MAGI2: variants seen among roughly 807,000 people sequenced by gnomAD.
MAGI2 encodes membrane associated guanylate kinase, WW and PDZ domain containing 2, also known as membrane-associated guanylate kinase, WW and PDZ domain-containing protein 2.
In MAGI2, 35 loss-of-function variants were observed where a neutral mutation model predicts 133.3. The ratio of observed to expected loss-of-function variants is 0.26; its 90% CI spans 0.20 to 0.35. MAGI2 has a LOEUF of 0.35. Ranked by LOEUF, MAGI2 falls within the 10% of genes least tolerant of loss-of-function variation. The pLI is 1.00. For synonymous variants in MAGI2, 729 were observed against 710.6 expected (o/e 1.03, Z -0.41); for missense variants, 1,636 against 1,863.4 (o/e 0.88, Z 2.25).
chr7:79,359,670 AC>A lies in MAGI2; in HGVS notation c.301+93349del, dbSNP rs1842256245. Among the ~76,000 whole-genome samples the A allele has an allele frequency of 1.2e-4, 3 of 25,652 alleles. No homozygotes were observed. The South Asian group carries it at 7.0e-3, about 60-fold the overall frequency. The allele number at this position is 25,652 out of a possible 152,430, so 16.8% of individuals were successfully genotyped here. ...CCAAAAGGAAATGCTCAAGTGGGAAACACACACACACACACACACACACACA... is the reference window on the plus strand; with the variant it reads ...CCAAAAGGAAATGCTCAAGTGGGAAAACACACACACACACACACACACACA... On this transcript the variant is annotated intron_variant, in intron 1 of 21. Coordinates refer to ENST00000354212, the MANE Select transcript of MAGI2 (RefSeq NM_012301.4).
chr7:79,438,545 A>AG (rs1848295025), intron 1 of MAGI2, among the ~76,000 whole-genome samples: 1 of 152,116 alleles, frequency 6.6e-6, no homozygotes, highest in Non-Finnish European at 1.5e-5. Context: ...GAACAGCTAA[A>AG]GCCATTTCCC....
At chr7:79,353,757 T>A (rs534996736) in intron 1 of MAGI2, 1 of 249,810 alleles carries the variant, frequency 4.0e-6, no homozygotes, top group East Asian at 1.0e-4. Flanking sequence ...TGAACCTGGA[T>A]GCTGGGACTC....
At chr7:79,377,480 T>C (rs981920853) in intron 1 of MAGI2, among the ~76,000 whole-genome samples, 2 of 151,822 alleles carry the variant, frequency 1.3e-5, no homozygotes, top group Non-Finnish European at 2.9e-5. Context: ...AAATCAATAA[T>C]GATACTTCTG....
At chr7:78,489,658 T>A (rs1793408002) in intron 6 of MAGI2, 103 bp downstream of exon 6, 1 of 831,096 alleles carries the variant, frequency 1.2e-6, no homozygotes. Context: ...TCGTTAAAAT[T>A]GTTTCAGCTA....
intron 2 of MAGI2, among the ~76,000 whole-genome samples, chr7:78,870,441 A>G (rs521851): frequency 0.88 from 132,799 of 151,650 alleles, 58,378 homozygotes; most frequent in East Asian, 0.96. Context: ...AAAAATATAC[A>G]AAAAAATGCT....
chr7:78,591,546 C>A (rs1584764244), intron 3 of MAGI2, among the ~76,000 whole-genome samples: 1 of 152,156 alleles, frequency 6.6e-6, no homozygotes, highest in South Asian at 2.1e-4. Flanking sequence ...AATGGCGGAG[C>A]CCTAACATCC....
At chr7:78,921,530 T>A (rs994891571) in intron 2 of MAGI2, among the ~76,000 whole-genome samples, 7 of 152,076 alleles carry the variant, frequency 4.6e-5, no homozygotes, top group African/African-American at 1.7e-4. Context: ...AATGCTTCAA[T>A]CAATAAAATG....
At chr7:79,365,867 C>CAAAAAAAAAAAAAAAAA (rs71095399) in intron 1 of MAGI2, among the ~76,000 whole-genome samples, 5 of 48,874 alleles carry the variant, frequency 1.0e-4, no homozygotes, top group African/African-American at 2.2e-4. Flanking sequence ...ACTCTTGTCT[C>CAAAAAAAAAAAAAAAAA]AAAAAAAAAA....
intron 2 of MAGI2, among the ~76,000 whole-genome samples, chr7:78,631,288 C>T (rs1207993678): frequency 1.3e-5 from 2 of 152,142 alleles, no homozygotes; most frequent in Admixed American, 1.3e-4. Flanking sequence ...CTCCTTTATC[C>T]CATCTCCAAA....
At chr7:79,267,352 T>A (rs1834548769) in intron 1 of MAGI2, among the ~76,000 whole-genome samples, 1 of 152,138 alleles carries the variant, frequency 6.6e-6, no homozygotes, top group South Asian at 2.1e-4. Context: ...TCTCTCAGCA[T>A]GTGTGTCTTA....
chr7:78,655,475 A>AAAC lies in MAGI2; in HGVS notation c.419-28237_419-28236insGTT, dbSNP rs376021250. Among the ~76,000 whole-genome samples the AAAC allele has an allele frequency of 2.7e-5, 4 of 148,428 alleles. No individual in the cohort carries two copies. In the South Asian group the frequency reaches 6.5e-4, roughly 24 times the overall value. ...CAACCAAAAAAAAAAAAAAAAAAAA[A>AAAC]CCACCAGAAAAAAATGCAGGTAACC... On this transcript the variant is annotated intron_variant, in intron 2 of 21. Coordinates refer to ENST00000354212, the MANE Select transcript of MAGI2 (RefSeq NM_012301.4).
At chr7:78,543,685 T>C (rs1406729269) in intron 3 of MAGI2, among the ~76,000 whole-genome samples, 1 of 152,222 alleles carries the variant, frequency 6.6e-6, no homozygotes, top group Non-Finnish European at 1.5e-5. Context: ...ATGACAATGA[T>C]GAGAACTTTT....
intron 1 of MAGI2, among the ~76,000 whole-genome samples, chr7:79,278,973 G>T (rs1835432725): frequency 6.6e-6 from 1 of 152,130 alleles, no homozygotes; most frequent in Admixed American, 6.6e-5. Flanking sequence ...TAATTGAGCA[G>T]ACACTCAGAG....
chr7:78,980,626 A>G (rs1251058716), intron 2 of MAGI2, among the ~76,000 whole-genome samples: 1 of 151,876 alleles, frequency 6.6e-6, no homozygotes, highest in Non-Finnish European at 1.5e-5. Flanking sequence ...AAAGTTAGCC[A>G]TTATTATTGT....
At chr7:78,497,770 A>C (rs201532342) in intron 5 of MAGI2, among the ~76,000 whole-genome samples, 3 of 92,010 alleles carry the variant, frequency 3.3e-5, no homozygotes, top group Non-Finnish European at 5.0e-5. Flanking sequence ...CTATCTTTCT[A>C]TCTTATACAC....
At chr7:78,923,542 C>T (rs1195860090) in intron 2 of MAGI2, among the ~76,000 whole-genome samples, 1 of 152,062 alleles carries the variant, frequency 6.6e-6, no homozygotes, top group Non-Finnish European at 1.5e-5. Context: ...TGTTCTGTTC[C>T]ATTGATCTAT....
intron 2 of MAGI2, among the ~76,000 whole-genome samples, chr7:78,706,592 T>C (rs323164): frequency 0.27 from 41,539 of 151,960 alleles, 6,816 homozygotes; most frequent in East Asian, 0.61. Flanking sequence ...ATAACCCCTG[T>C]CCTTACATAA....
At chr7:78,898,016 A>G (rs1797341077) in intron 2 of MAGI2, among the ~76,000 whole-genome samples, 1 of 152,196 alleles carries the variant, frequency 6.6e-6, no homozygotes, top group Non-Finnish European at 1.5e-5. Context: ...AACCCTATTA[A>G]AGAGTGAGCA....
intron 9 of MAGI2, among the ~76,000 whole-genome samples, chr7:78,307,175 C>G (rs1265664093): frequency 6.6e-6 from 1 of 151,926 alleles, no homozygotes; most frequent in Non-Finnish European, 1.5e-5. Flanking sequence ...GACTTCATGC[C>G]CAAAGGACAA....
Sources: gnomAD v4.1 joint callset for allele counts (sites outside exome capture counted in the v4.1 genomes callset) on GRCh38, gnomAD v4.1.1 for gene constraint, MANE v1.5 for transcripts, NCBI Gene and HGNC (gene_info 2026-07-23, HGNC 2026-07-21) for gene names.